The following FYB1 variants were observed in gnomAD, a reference collection of about 807,000 sequenced individuals.
FYB1 encodes the protein FYN-binding protein 1.
Under a neutral mutation model 94.1 loss-of-function variants are expected in FYB1, and 41 were observed. The ratio of observed to expected loss-of-function variants is 0.44; its 90% confidence interval spans 0.34 to 0.57. FYB1 has a LOEUF of 0.57. Among genes scored for constraint, FYB1 ranks in the 20% least tolerant of loss-of-function variants. The pLI is 0.02. For missense variants in FYB1, 1,050 were observed against 976.8 expected (o/e 1.07, Z -1.00); for synonymous variants, 367 against 353.2 (o/e 1.04, Z -0.44).
In FYB1 at chr5:39,238,351, T is replaced by A. The variant is rs114707769; in HGVS notation, c.-27-35364A>T. 7.7e-3 allele frequency among the ~76,000 whole-genome samples: 1,168 copies of A among 152,142 alleles called. 24 individuals are homozygous for A. The highest frequency in any genetic ancestry group is 0.027 in the African/African-American group (1,108 of 41,526). On this transcript the variant is annotated intron_variant, in intron 1 of 1. Transcript: ENST00000510188. The stretch of plus-strand genomic sequence containing the variant: ...TGAGTGGGAGAAAGAAAATGCATTA[T>A]ATTTTTTTAGGTGAATTTTTTACTT...
At chr5:39,131,249 C>A (rs1385404382) in intron 9 of FYB1, among the ~76,000 whole-genome samples, 3 of 152,066 alleles carry the variant, frequency 2.0e-5, no homozygotes, top group Non-Finnish European at 4.4e-5. Context: ...ATATCTCCCA[C>A]TAAAATGTGA....
chr5:39,254,313 A>G (rs1206665882), intron 1 of FYB1, among the ~76,000 whole-genome samples: 1 of 152,130 alleles, frequency 6.6e-6, no homozygotes, highest in Non-Finnish European at 1.5e-5. Context: ...CTCCCATCAA[A>G]GGTGTATAAG....
At chr5:39,223,178 G>T (rs144061507), upstream of FYB1, among the ~76,000 whole-genome samples, 69 of 151,994 alleles carry the variant, frequency 4.5e-4, no homozygotes, top group African/African-American at 1.6e-3. Flanking sequence ...TGCTTTTCAT[G>T]CAAACCTATT....
chr5:39,216,931 C>T (rs2150543174), intron 1 of FYB1, among the ~76,000 whole-genome samples: 1 of 152,290 alleles, frequency 6.6e-6, no homozygotes, highest in East Asian at 1.9e-4. Flanking sequence ...TTCCTGGTTT[C>T]TTATCTGTTT....
chr5:39,140,962 C>A (rs1033869342), intron 4 of FYB1, 133 bp downstream of exon 4: 2 of 646,326 alleles, frequency 3.1e-6, no homozygotes, highest in Non-Finnish European at 5.5e-6. Flanking sequence ...AGGGAATAAA[C>A]AAATAAAACG....
At chr5:39,132,554 T>G (rs570485504) in intron 9 of FYB1, among the ~76,000 whole-genome samples, 1 of 152,308 alleles carries the variant, frequency 6.6e-6, no homozygotes, top group Non-Finnish European at 1.5e-5. Flanking sequence ...TTTTGTTATA[T>G]GTTTACTAAA....
intron 2 of FYB1, among the ~76,000 whole-genome samples, chr5:39,179,791 C>G (rs1211101310): frequency 6.6e-6 from 1 of 152,022 alleles, no homozygotes; most frequent in South Asian, 2.1e-4. Context: ...GCACTTAAAG[C>G]TTTTACTTCT....
chr5:39,227,486 T>TGTA (rs1561291077), intron 1 of FYB1, among the ~76,000 whole-genome samples: 51 of 152,130 alleles, frequency 3.4e-4, no homozygotes, highest in African/African-American at 1.1e-3. Context: ...TATACACACA[T>TGTA]ATGTGGCAAC....
In FYB1 at chr5:39,106,920, T is replaced by C. The variant is rs1321812286; in HGVS notation, c.*523A>G. The C allele has an allele frequency of 6.6e-6, 1 of 152,096 alleles. No homozygotes were observed. The highest frequency in any genetic ancestry group is 6.6e-5 in the Admixed American group (1 of 15,260). The allele number at this position is 152,096 out of a possible 1,614,324, so 9.4% of individuals were successfully genotyped here. A position where few individuals can be genotyped will look rare whatever the true frequency, so the allele number is the denominator to read the frequency against. On this transcript the variant is annotated 3_prime_UTR_variant, in exon 19 of 19. Coordinates refer to ENST00000512982, the MANE Select transcript of FYB1 (RefSeq NM_001465.6). The stretch of plus-strand genomic sequence containing the variant: ...TAATTTTTGAAAACATTTAACCCAC[T>C]AGCAAGAGGTAAGACAGCACTGCCT...
chr5:39,154,010 T>C (rs1418092435), intron 2 of FYB1, among the ~76,000 whole-genome samples: 1 of 152,116 alleles, frequency 6.6e-6, no homozygotes, highest in Non-Finnish European at 1.5e-5. Flanking sequence ...GGTTTTGAAC[T>C]CCTGGGCGCA....
chr5:39,153,392 T>C (rs1743428715), intron 3 of FYB1, 56 bp downstream of exon 3: 1 of 1,592,566 alleles, frequency 6.3e-7, no homozygotes, highest in Non-Finnish European at 8.6e-7. Context: ...CAAGCACAGT[T>C]TGAAAATCTA....
intron 16 of FYB1, 98 bp from the exon 17 acceptor site, chr5:39,110,487 T>C (rs1373080418): frequency 2.1e-5 from 15 of 704,578 alleles, no homozygotes; most frequent in Non-Finnish European, 3.4e-5. Flanking sequence ...GTAATCATAG[T>C]ATATTGAATA....
intron 2 of FYB1, among the ~76,000 whole-genome samples, chr5:39,200,664 T>C (rs1748227426): frequency 6.6e-6 from 1 of 152,174 alleles, no homozygotes. Flanking sequence ...TCTGTGTGTT[T>C]GAATTAGCAG....
At chr5:39,245,967 T>C (rs1751460745) in intron 1 of FYB1, among the ~76,000 whole-genome samples, 1 of 152,226 alleles carries the variant, frequency 6.6e-6, no homozygotes, top group Non-Finnish European at 1.5e-5. Context: ...TTTAAAGCAG[T>C]CTTCATTATA....
intron 1 of FYB1, among the ~76,000 whole-genome samples, chr5:39,237,010 G>A (rs1424296149): frequency 2.0e-5 from 3 of 152,148 alleles, no homozygotes; most frequent in Non-Finnish European, 4.4e-5. Flanking sequence ...TGTACTTATG[G>A]TGGTGGTAGG....
At chr5:39,136,894 T>A (rs534037018) in intron 7 of FYB1, among the ~76,000 whole-genome samples, 141 of 152,280 alleles carry the variant, frequency 9.3e-4, no homozygotes, top group African/African-American at 3.2e-3. Flanking sequence ...GTAATTCAGA[T>A]AATCACCCTA....
chr5:39,109,085 A>G (rs1278410787), intron 17 of FYB1, among the ~76,000 whole-genome samples: 1 of 152,122 alleles, frequency 6.6e-6, no homozygotes, highest in Non-Finnish European at 1.5e-5. Flanking sequence ...AAATTCAGAA[A>G]TGTAGGGTGG....
chr5:39,242,514 C>T (rs879900618), intron 1 of FYB1, among the ~76,000 whole-genome samples: 4 of 151,974 alleles, frequency 2.6e-5, no homozygotes, highest in Non-Finnish European at 4.4e-5. Flanking sequence ...GTATATGTGC[C>T]ACATTTTCTT....
chr5:39,201,745 T>C, intron 2 of FYB1, 81 bp downstream of exon 2: 2 of 1,260,354 alleles, frequency 1.6e-6, no homozygotes, highest in South Asian at 1.5e-5. Flanking sequence ...TCATTCCTTG[T>C]TACAAAACTT....
Sources: allele counts gnomAD v4.1 joint callset (sites outside exome capture counted in the v4.1 genomes callset), GRCh38; gene constraint gnomAD v4.1.1; transcripts MANE v1.5; gene names NCBI Gene and HGNC (gene_info 2026-07-23, HGNC 2026-07-21).